The following CSMD1 variants were observed in gnomAD, a reference collection of about 807,000 sequenced individuals.
CSMD1 encodes CUB and sushi domain-containing protein 1.
CSMD1 carries 213 observed loss-of-function variants against 417.5 expected under a neutral mutation model. The ratio of observed to expected loss-of-function variants is 0.51; its 90% CI spans 0.46 to 0.57. The LOEUF is 0.57. Among genes scored for constraint, CSMD1 ranks in the 20% least tolerant of loss-of-function variants. The pLI is 0.00. For synonymous variants in CSMD1, 2,862 were observed against 1,736.8 expected, an observed-to-expected ratio of 1.65 and a Z score of -16.11; for missense variants, 6,923 against 4,529.7, an observed-to-expected ratio of 1.53 and a Z score of -15.17.
At chr8:3,374,136 T>C (rs900631836) in intron 18 of CSMD1, among the ~76,000 whole-genome samples, 5 of 151,776 alleles carry the variant, frequency 3.3e-5, no homozygotes, top group African/African-American at 1.2e-4. Flanking sequence ...GTATTTTTAG[T>C]AGAGACGGGG....
intron 5 of CSMD1, among the ~76,000 whole-genome samples, chr8:3,924,786 C>T (rs1054293157): frequency 6.6e-6 from 1 of 152,092 alleles, no homozygotes; most frequent in Non-Finnish European, 1.5e-5. Context: ...CTTCAACTCT[C>T]TATTCGTGTT....
chr8:4,717,412 C>G (rs1355491183), intron 1 of CSMD1, among the ~76,000 whole-genome samples: 1 of 149,636 alleles, frequency 6.7e-6, no homozygotes, highest in Non-Finnish European at 1.5e-5. Context: ...CATATATACA[C>G]ACACACTATA....
chr8:4,197,734 C>A (rs1022849670), intron 3 of CSMD1, among the ~76,000 whole-genome samples: 5 of 152,110 alleles, frequency 3.3e-5, no homozygotes, highest in Non-Finnish European at 7.4e-5. Context: ...CAAAAATTAG[C>A]TGGGCATGGT....
Position 2,938,601 on chromosome 8 carries a change from A to G in CSMD1, c.10679T>C (p.Val3560Ala). The G allele has an allele frequency of 1.2e-6, 2 of 1,612,034 alleles. No homozygotes were observed. The highest frequency in any genetic ancestry group is 1.7e-6 in the Non-Finnish European group (2 of 1,179,160). The change falls in exon 70 of 70, where the codon GTC becomes GCC. Residue 3560 changes from valine to alanine, a missense_variant. By Grantham distance (64) the Val-to-Ala change is moderately conservative (BLOSUM62 0). Coordinates refer to ENST00000635120, the MANE Select transcript of CSMD1 (RefSeq NM_033225.6). ...CACTGAGGGCTATACCACTGTACAG[A>G]CTGTGTTCAGAGTTGTGTCAAACCT... ...AVRFDTTLNT[V>A]CTVV
chr8:3,694,000 TTGTGTGTGTTGGGGTATTATGTGTTG>T (rs1800402276), intron 7 of CSMD1, among the ~76,000 whole-genome samples: 3 of 150,286 alleles, frequency 2.0e-5, no homozygotes, highest in African/African-American at 7.4e-5. Flanking sequence ...TGTGTGTGTG[TTGTGTGTGTTGGGGTATTATGTGTTG>T]TGTGTGTGTT....
intron 4 of CSMD1, among the ~76,000 whole-genome samples, chr8:4,001,325 G>C (rs928094579): frequency 6.6e-6 from 1 of 152,154 alleles, no homozygotes; most frequent in African/African-American, 2.4e-5. Context: ...CATAGCTCCA[G>C]GACAGAGTCC....
intron 4 of CSMD1, among the ~76,000 whole-genome samples, chr8:4,015,241 C>T (rs780370316): frequency 3.3e-5 from 5 of 152,130 alleles, no homozygotes; most frequent in African/African-American, 4.8e-5. Flanking sequence ...TACAATGTTA[C>T]CGCTGAAACA....
At chr8:4,954,418 C>G (rs967534868) in intron 1 of CSMD1, among the ~76,000 whole-genome samples, 1 of 152,094 alleles carries the variant, frequency 6.6e-6, no homozygotes, top group African/African-American at 2.4e-5. Flanking sequence ...GGTTAGCACT[C>G]CCAATGCTGT....
At chr8:4,965,876 T>C (rs139659451) in intron 1 of CSMD1, among the ~76,000 whole-genome samples, 92 of 152,238 alleles carry the variant, frequency 6.0e-4, no homozygotes, top group Non-Finnish European at 9.7e-4. Flanking sequence ...AAAGAAGATA[T>C]ATATTTACAT....
intron 2 of CSMD1, among the ~76,000 whole-genome samples, chr8:4,551,361 A>G (rs1797862150): frequency 6.6e-6 from 1 of 152,082 alleles, no homozygotes; most frequent in African/African-American, 2.4e-5. Context: ...TGTGTACACC[A>G]TTTCATCCAC....
chr8:3,443,753 A>G (rs569129506), intron 12 of CSMD1, among the ~76,000 whole-genome samples: 2 of 152,366 alleles, frequency 1.3e-5, no homozygotes, highest in Admixed American at 1.3e-4. Flanking sequence ...ACAGCTTTAA[A>G]GGACCTTGAA....
intron 3 of CSMD1, among the ~76,000 whole-genome samples, chr8:4,140,710 G>A (rs766180585): frequency 6.6e-6 from 1 of 150,846 alleles, no homozygotes; most frequent in Non-Finnish European, 1.5e-5. Context: ...CATGGATGGT[G>A]TTCTGGACAA....
intron 6 of CSMD1, among the ~76,000 whole-genome samples, chr8:3,731,646 G>A (rs1292494215): frequency 6.6e-6 from 1 of 152,142 alleles, no homozygotes; most frequent in Admixed American, 6.5e-5. Flanking sequence ...AAAGAAGATA[G>A]GAATTATGCT....
intron 50 of CSMD1, among the ~76,000 whole-genome samples, chr8:3,038,872 C>T (rs187718264): frequency 6.6e-6 from 1 of 152,208 alleles, no homozygotes; most frequent in East Asian, 1.9e-4. Flanking sequence ...AGAACCCAGC[C>T]AGAGCCACAT....
In CSMD1 at chr8:4,738,895, C is replaced by CTGCGTGTTTGTGTGTGTG. The variant is rs1554464157; in HGVS notation, c.86-101338_86-101337insCACACACACAAACACGCA. Among the ~76,000 whole-genome samples, 171 of 35,092 alleles carry CTGCGTGTTTGTGTGTGTG rather than the reference C, an allele frequency of 4.9e-3. 4 individuals are homozygous for CTGCGTGTTTGTGTGTGTG. The South Asian group carries it at 0.097, about 20-fold the overall frequency. The allele number at this position is 35,092 out of a possible 152,430, so 23.0% of individuals were successfully genotyped here. A position where few individuals can be genotyped will look rare whatever the true frequency, so the allele number is the denominator to read the frequency against. ...ATAGTCATCTATTATACTTAAAATTCTGTGTGTTTGTGTGTGTGTGTGTGT... is the reference window on the plus strand; with the variant it reads ...ATAGTCATCTATTATACTTAAAATTCTGCGTGTTTGTGTGTGTGTGTGTGTTTGTGTGTGTGTGTGTGT... On this transcript the variant is annotated intron_variant, in intron 1 of 69. Coordinates refer to ENST00000635120, the MANE Select transcript of CSMD1 (RefSeq NM_033225.6).
intron 3 of CSMD1, among the ~76,000 whole-genome samples, chr8:4,043,074 G>C (rs773216933): frequency 2.6e-5 from 4 of 152,090 alleles, no homozygotes; most frequent in Non-Finnish European, 2.9e-5. Context: ...ACAGGGTGCA[G>C]TGAGCGGAAA....
chr8:4,211,569 G>C (rs1166306456), intron 3 of CSMD1, among the ~76,000 whole-genome samples: 1 of 152,104 alleles, frequency 6.6e-6, no homozygotes, highest in East Asian at 1.9e-4. Context: ...ACTCAAATTA[G>C]ATAGAAGTTT....
At chr8:3,759,516 T>G (rs1433327700) in intron 5 of CSMD1, among the ~76,000 whole-genome samples, 1 of 151,872 alleles carries the variant, frequency 6.6e-6, no homozygotes, top group Non-Finnish European at 1.5e-5. Flanking sequence ...AATAAACAAA[T>G]AGTTTGGAAA....
At chr8:4,255,123 G>A (rs1036136146) in intron 3 of CSMD1, among the ~76,000 whole-genome samples, 2 of 152,136 alleles carry the variant, frequency 1.3e-5, no homozygotes, top group African/African-American at 2.4e-5. Flanking sequence ...TCCTTTGAGA[G>A]TATCAGTTTT....
Sources: gnomAD v4.1 joint callset for allele counts (sites outside exome capture counted in the v4.1 genomes callset) on GRCh38, gnomAD v4.1.1 for gene constraint, MANE v1.5 for transcripts, NCBI Gene and HGNC (gene_info 2026-07-23, HGNC 2026-07-21) for gene names.